The following HIVEP3 variants were observed in gnomAD, a reference collection of about 807,000 sequenced individuals.
HIVEP3 encodes the protein transcription factor HIVEP3.
HIVEP3 carries 49 observed loss-of-function variants against 152.8 expected under a neutral mutation model. The ratio of observed to expected loss-of-function variants is 0.32; its 90% CI spans 0.26 to 0.41. HIVEP3 has a LOEUF of 0.41. HIVEP3 is among the 10% of genes least tolerant of loss of function. HIVEP3 has a pLI of 1.00. For missense variants in HIVEP3, 2,790 were observed against 3,103.3 expected, an observed-to-expected ratio of 0.90 and a Z score of 2.40; for synonymous variants, 1,269 against 1,289.0, an observed-to-expected ratio of 0.98 and a Z score of 0.33.
chr1:41,709,487 G>A (rs372197077), intron 1 of HIVEP3, among the ~76,000 whole-genome samples: 1 of 152,188 alleles, frequency 6.6e-6, no homozygotes, highest in African/African-American at 2.4e-5. Context: ...CAGCCTCCAG[G>A]CAGTAGCAAT....
chr1:41,900,592 C>T (rs1644604469), intron 1 of HIVEP3, among the ~76,000 whole-genome samples: 1 of 152,136 alleles, frequency 6.6e-6, no homozygotes, highest in African/African-American at 2.4e-5. Flanking sequence ...ACTCCCTGTG[C>T]TCCCACCTAG....
rs1282243673 is a variant in HIVEP3 at position 41,581,789 on chromosome 1, G to A, written c.3009C>T (p.Ala1003=). ...SEQSPNVSHS[A]HMTETRSKSF... ...ATTTGCTGCGTGTCTCGGTCATGTGGGCAGAATGGGAAACGTTGGGGCTCT... is the reference window on the plus strand; with the variant it reads ...ATTTGCTGCGTGTCTCGGTCATGTGAGCAGAATGGGAAACGTTGGGGCTCT... The change falls in exon 4 of 9, where the codon GCC becomes GCT. Residue 1003 remains alanine, a synonymous_variant. Coordinates refer to ENST00000372583, the MANE Select transcript of HIVEP3 (RefSeq NM_024503.5). This position sits in a 1 kb window ranked among gnomAD's most constrained non-coding sequence, Gnocchi z 4.5. 3.8e-5 allele frequency: 61 copies of A among 1,588,132 alleles called. No individual in the cohort carries two copies. The highest frequency in any genetic ancestry group is 1.7e-4 in the Middle Eastern group (1 of 5,936).
intron 1 of HIVEP3, among the ~76,000 whole-genome samples, chr1:41,863,712 T>C (rs1442220637): frequency 6.6e-6 from 1 of 152,226 alleles, no homozygotes; most frequent in Non-Finnish European, 1.5e-5. Context: ...TTTCACTGTA[T>C]GTAAATTAGA....
intron 1 of HIVEP3, among the ~76,000 whole-genome samples, chr1:41,852,918 AG>A (rs1417500030): frequency 8.5e-5 from 13 of 152,250 alleles, no homozygotes; most frequent in Non-Finnish European, 1.5e-4. Flanking sequence ...AACTGTGTAA[AG>A]TTGTCCTTGG....
chr1:41,529,220 ACCCT>A (rs1643149211), intron 5 of HIVEP3, among the ~76,000 whole-genome samples: 1 of 75,638 alleles, frequency 1.3e-5, no homozygotes, highest in Non-Finnish European at 2.5e-5. Flanking sequence ...TCACACCCTC[ACCCT>A]CACACATGCT....
intron 2 of HIVEP3, among the ~76,000 whole-genome samples, chr1:41,667,066 G>A (rs1427734709): frequency 6.6e-6 from 1 of 152,222 alleles, no homozygotes; most frequent in Non-Finnish European, 1.5e-5. Context: ...CCCCCAGGGA[G>A]TGTTGGCGTT....
intron 1 of HIVEP3, among the ~76,000 whole-genome samples, chr1:41,750,724 C>G (rs1021357908): frequency 1.6e-5 from 2 of 126,224 alleles, no homozygotes; most frequent in African/African-American, 2.7e-5. Flanking sequence ...TTTTGACACG[C>G]GTCTCGCTCT....
At chr1:41,635,674 AGC>A (rs1645263270) in intron 2 of HIVEP3, among the ~76,000 whole-genome samples, 1 of 150,888 alleles carries the variant, frequency 6.6e-6, no homozygotes, top group Non-Finnish European at 1.5e-5. Context: ...ATACATACAT[AGC>A]TGCAAGCTAA....
chr1:41,829,886 C>T (rs911518084), intron 1 of HIVEP3, among the ~76,000 whole-genome samples: 4 of 151,738 alleles, frequency 2.6e-5, no homozygotes, highest in African/African-American at 7.3e-5. Context: ...ATTTTCAGAA[C>T]AGTATAAGCA....
intron 1 of HIVEP3, among the ~76,000 whole-genome samples, chr1:42,010,355 T>C (rs1645485918): frequency 6.6e-6 from 1 of 152,230 alleles, no homozygotes; most frequent in South Asian, 2.1e-4. Context: ...TGGTGGTCCT[T>C]AGGAGATCCT....
chr1:41,627,438 G>A lies in HIVEP3; in HGVS notation c.-522+1311C>T, dbSNP rs369485318. Among the ~76,000 whole-genome samples the A allele has an allele frequency of 9.2e-5, 14 of 152,290 alleles. No homozygotes were observed. The South Asian group carries it at 1.5e-3, about 16-fold the overall frequency. ...AACAAACATCCCCTCTTAAAATGAG[G>A]CTCCAATGCCCAGTTCTTCCTTGGA... is the stretch of plus-strand genomic sequence containing the variant. On this transcript the variant is annotated intron_variant, in intron 3 of 8. Coordinates refer to ENST00000372583, the MANE Select transcript of HIVEP3 (RefSeq NM_024503.5).
chr1:41,641,075 G>A (rs1645364888), intron 2 of HIVEP3, among the ~76,000 whole-genome samples: 1 of 152,124 alleles, frequency 6.6e-6, no homozygotes, highest in Admixed American at 6.5e-5. Context: ...TCCTCTTCTG[G>A]TTACTTCTGA....
intron 1 of HIVEP3, among the ~76,000 whole-genome samples, chr1:41,735,203 G>T (rs181434726): frequency 6.8e-4 from 103 of 152,326 alleles, no homozygotes; most frequent in African/African-American, 2.3e-3. Flanking sequence ...CAACAAAGCA[G>T]AAATTGGAGT....
chr1:41,530,356 C>T (rs1222933381), intron 5 of HIVEP3, among the ~76,000 whole-genome samples: 2 of 152,196 alleles, frequency 1.3e-5, no homozygotes, highest in Non-Finnish European at 2.9e-5. Flanking sequence ...GCATCTGCCT[C>T]GATGTGACAG....
chr1:41,532,724 C>T (rs1643298391), intron 5 of HIVEP3, among the ~76,000 whole-genome samples: 1 of 152,068 alleles, frequency 6.6e-6, no homozygotes, highest in South Asian at 2.1e-4. Context: ...CACCCCCGAG[C>T]TTGGGGGGAA....
chr1:41,864,156 T>G (rs539881947), intron 1 of HIVEP3, among the ~76,000 whole-genome samples: 1 of 152,300 alleles, frequency 6.6e-6, no homozygotes, highest in East Asian at 1.9e-4. Context: ...GGCTCAGGAT[T>G]GGGACAGGCC....
At chr1:41,688,141 G>A (rs1020231755) in intron 2 of HIVEP3, among the ~76,000 whole-genome samples, 4 of 152,182 alleles carry the variant, frequency 2.6e-5, no homozygotes, top group African/African-American at 9.7e-5. Context: ...ATGGGGTCAG[G>A]GTGTGCTTGA....
chr1:41,995,503 G>A (rs1241831544), intron 1 of HIVEP3, among the ~76,000 whole-genome samples: 1 of 152,120 alleles, frequency 6.6e-6, no homozygotes, highest in Non-Finnish European at 1.5e-5. Context: ...AAATTCTGAA[G>A]AATTTTCTTC....
At position 41,733,654 on chromosome 1, in the gene HIVEP3, C is replaced by G. The variant is rs151300268; in HGVS notation, c.-800-32659G>C. 2.1e-3 allele frequency among the ~76,000 whole-genome samples: 319 copies of G among 152,330 alleles called. 1 individual carries two copies. Among genetic ancestry groups the G allele is most frequent in the Non-Finnish European group, 2.6e-3 (174 of 68,026 alleles). ...GGAGACAAGCCTGTGCTCTGAGGGT[C>G]CACTGTGGCTGAGTGACTTAGGGGA... is the stretch of plus-strand genomic sequence containing the variant. On this transcript the variant is annotated intron_variant, in intron 1 of 8. Transcript: ENST00000372583.
Sources: allele counts gnomAD v4.1 joint callset (sites outside exome capture counted in the v4.1 genomes callset), GRCh38; gene constraint gnomAD v4.1.1; non-coding constraint Gnocchi (gnomAD v3.1); transcripts MANE v1.5; gene names NCBI Gene and HGNC (gene_info 2026-07-23, HGNC 2026-07-21).